DAB1: variants seen among roughly 807,000 people sequenced by gnomAD.
DAB1 encodes DAB adaptor protein 1.
DAB1 carries 15 observed loss-of-function variants against 64.6 expected under a neutral mutation model. The ratio of observed to expected loss-of-function variants is 0.23; its 90% confidence interval spans 0.16 to 0.36. The LOEUF (loss-of-function observed/expected upper bound fraction) is 0.36. Ranked by LOEUF, DAB1 falls within the 10% of genes least tolerant of loss-of-function variation. DAB1 has a pLI of 1.00. For synonymous variants in DAB1, 235 were observed against 251.9 expected, an observed-to-expected ratio of 0.93 and a Z score of 0.64; for missense variants, 596 against 706.7, an observed-to-expected ratio of 0.84 and a Z score of 1.78.
chr1:57,448,124 C>G (rs1213547716), intron 7 of DAB1, among the ~76,000 whole-genome samples: 1 of 152,178 alleles, frequency 6.6e-6, no homozygotes, highest in African/African-American at 2.4e-5. Flanking sequence ...TTGAGTCACC[C>G]TAGTGACAAT....
intron 4 of DAB1, among the ~76,000 whole-genome samples, chr1:57,115,085 A>T (rs1420811308): frequency 6.6e-6 from 1 of 151,918 alleles, no homozygotes; most frequent in Non-Finnish European, 1.5e-5. Flanking sequence ...CTGCAGCTCC[A>T]CCTCCATCTC....
chr1:57,568,782 G>A (rs1443230753), intron 7 of DAB1, among the ~76,000 whole-genome samples: 2 of 151,964 alleles, frequency 1.3e-5, no homozygotes, highest in Non-Finnish European at 2.9e-5. Context: ...GAAACAACAG[G>A]TGCTGGAGAG....
chr1:57,065,516 G>T (rs1650818116), intron 8 of DAB1, among the ~76,000 whole-genome samples: 1 of 152,158 alleles, frequency 6.6e-6, no homozygotes, highest in Non-Finnish European at 1.5e-5. Context: ...TAAGCTTGCT[G>T]AGGGCAGGTT....
At chr1:58,164,684 A>C (rs13374932) in intron 4 of DAB1, among the ~76,000 whole-genome samples, 28,878 of 152,158 alleles carry the variant, frequency 0.19, 2,931 homozygotes, top group East Asian at 0.37. Context: ...TGTTGGGACA[A>C]CCAGGATGTG....
rs933745416 is a variant in DAB1, at chr1:57,915,222, C to A, written n.388-31060G>T. ...TTCTTTGGAGAATGGAATGGCAAAACTATTACTTTGTTTCTCTCTTTCTGA... is the reference window on the plus strand; with the variant it reads ...TTCTTTGGAGAATGGAATGGCAAAAATATTACTTTGTTTCTCTCTTTCTGA... On this transcript the variant is annotated intron_variant and non_coding_transcript_variant, in intron 5 of 20. Coordinates refer to the DAB1 transcript ENST00000485760. Among the ~76,000 whole-genome samples the A allele has an allele frequency of 1.3e-5, 2 of 151,014 alleles. 1 individual carries two copies. Among genetic ancestry groups the A allele is most frequent in the South Asian group, 4.2e-4 (2 of 4,790 alleles).
intron 2 of DAB1, among the ~76,000 whole-genome samples, chr1:58,521,241 T>G (rs1646257439): frequency 6.6e-6 from 1 of 151,512 alleles, no homozygotes; most frequent in Admixed American, 6.6e-5. Context: ...CATTTTAAAC[T>G]GAAGAAAAAA....
At chr1:58,053,332 G>A (rs1325660018) in intron 5 of DAB1, among the ~76,000 whole-genome samples, 2 of 152,174 alleles carry the variant, frequency 1.3e-5, no homozygotes, top group African/African-American at 4.8e-5. Flanking sequence ...TTGGGCATCT[G>A]GTGGTCTCAG....
intron 4 of DAB1, among the ~76,000 whole-genome samples, chr1:58,183,637 T>C (rs1438024925): frequency 6.7e-6 from 1 of 149,156 alleles, no homozygotes; most frequent in African/African-American, 2.5e-5. Flanking sequence ...GGGTTTCTGC[T>C]TCTTTGCACG....
At chr1:58,074,048 C>T (rs1346429888) in intron 5 of DAB1, among the ~76,000 whole-genome samples, 1 of 152,190 alleles carries the variant, frequency 6.6e-6, no homozygotes, top group African/African-American at 2.4e-5. Context: ...TTGAGTTCTT[C>T]TATCCTTCTG....
chr1:58,208,682 A>G (rs1241575768), intron 4 of DAB1, among the ~76,000 whole-genome samples: 2 of 151,866 alleles, frequency 1.3e-5, no homozygotes, highest in Non-Finnish European at 2.9e-5. Context: ...TTCTTTATCC[A>G]CTTGTTGATT....
chr1:58,384,240 C>T (rs6665337), intron 3 of DAB1, among the ~76,000 whole-genome samples: 62,629 of 151,634 alleles, frequency 0.41, 13,212 homozygotes, highest in East Asian at 0.63. Context: ...TGCTACAACA[C>T]GGATGGACTT....
chr1:57,426,231 AATTAATGACACT>A (rs1685280732), upstream of DAB1, among the ~76,000 whole-genome samples: 1 of 152,184 alleles, frequency 6.6e-6, no homozygotes, highest in South Asian at 2.1e-4. Flanking sequence ...CTTTGAAGAG[AATTAATGACACT>A]GACTTGGCCA....
At chr1:57,240,979 T>A (rs1668454813) in intron 2 of DAB1, among the ~76,000 whole-genome samples, 1 of 152,172 alleles carries the variant, frequency 6.6e-6, no homozygotes, top group South Asian at 2.1e-4. Context: ...TATCTGCTCA[T>A]ATGAACTAAC....
chr1:58,097,159 A>G (rs1651035699), intron 5 of DAB1, among the ~76,000 whole-genome samples: 1 of 152,228 alleles, frequency 6.6e-6, no homozygotes, highest in Admixed American at 6.5e-5. Context: ...ACATTTATCA[A>G]CATATTGAAT....
chr1:58,097,267 C>T (rs1258472434), intron 5 of DAB1, among the ~76,000 whole-genome samples: 1 of 152,220 alleles, frequency 6.6e-6, no homozygotes, highest in Non-Finnish European at 1.5e-5. Flanking sequence ...CAAGGTCACA[C>T]AGCTGGCAAG....
At chr1:57,046,319 G>A (rs374391153) in intron 9 of DAB1, among the ~76,000 whole-genome samples, 9 of 152,130 alleles carry the variant, frequency 5.9e-5, no homozygotes, top group African/African-American at 1.4e-4. Flanking sequence ...TTAGTTTCTC[G>A]CCTCCTTTCT....
intron 7 of DAB1, among the ~76,000 whole-genome samples, chr1:57,507,073 T>A (rs936017439): frequency 3.9e-5 from 6 of 152,200 alleles, no homozygotes; most frequent in Admixed American, 3.9e-4. Flanking sequence ...GCTCTAATCA[T>A]GTAGCCCCAC....
At chr1:57,194,594 A>G (rs983414171) in intron 2 of DAB1, among the ~76,000 whole-genome samples, 1 of 152,190 alleles carries the variant, frequency 6.6e-6, no homozygotes, top group Admixed American at 6.5e-5. Flanking sequence ...TGGTTAAGAA[A>G]CAAAATCCAT....
At chr1:57,547,320 T>C (rs1231415216) in intron 7 of DAB1, among the ~76,000 whole-genome samples, 2 of 151,964 alleles carry the variant, frequency 1.3e-5, no homozygotes, top group Non-Finnish European at 2.9e-5. Flanking sequence ...TTTTTTAAGT[T>C]TCTTTCTTTA....
Sources: allele counts gnomAD v4.1 joint callset (sites outside exome capture counted in the v4.1 genomes callset), GRCh38; gene constraint gnomAD v4.1.1; transcripts MANE v1.5; gene names NCBI Gene and HGNC (gene_info 2026-07-23, HGNC 2026-07-21).